NCAM1: variants seen among roughly 807,000 people sequenced by gnomAD.
The protein encoded by NCAM1 is antigen recognized by monoclonal antibody 5.1H11.
Under a neutral mutation model 109.8 loss-of-function variants are expected in NCAM1, and 14 were observed. That is an observed-to-expected ratio of 0.13 (90% CI 0.08 to 0.20). The LOEUF (loss-of-function observed/expected upper bound fraction) is 0.20. NCAM1 is among the 10% of genes least tolerant of loss of function. The pLI is 1.00. For synonymous variants in NCAM1, 418 were observed against 442.9 expected, an observed-to-expected ratio of 0.94 and a Z score of 0.70; for missense variants, 774 against 1,109.9, an observed-to-expected ratio of 0.70 and a Z score of 4.30.
intron 5 of NCAM1, 26 bp from the exon 6 acceptor site, chr11:113,207,235 C>T (rs1555112987): frequency 6.3e-7 from 1 of 1,597,354 alleles, no homozygotes; most frequent in Admixed American, 1.7e-5. Flanking sequence ...TTCACAACCA[C>T]CCCATGACAC....
chr11:113,039,269 C>T (rs1194079995), intron 1 of NCAM1, among the ~76,000 whole-genome samples: 3 of 152,170 alleles, frequency 2.0e-5, no homozygotes, highest in African/African-American at 7.2e-5. Flanking sequence ...GGTTTTTGTG[C>T]TCTTCTCTTC....
intron 1 of NCAM1, among the ~76,000 whole-genome samples, chr11:113,139,971 T>G (rs1316373301): frequency 6.6e-6 from 1 of 152,182 alleles, no homozygotes; most frequent in African/African-American, 2.4e-5. Flanking sequence ...AGTTAGAAAT[T>G]CCCTGGAGAT....
At chr11:113,019,538 C>T (rs1378136526) in intron 1 of NCAM1, among the ~76,000 whole-genome samples, 1 of 152,096 alleles carries the variant, frequency 6.6e-6, no homozygotes, top group Non-Finnish European at 1.5e-5. Flanking sequence ...GGCTCCTTTC[C>T]TCTATCCATC....
rs781932590 is a variant in NCAM1 at position 113,277,437 on chromosome 11, C to G, written c.*2050C>G. ...TGCACAGATCTCTGGTTCAAATGCA[C>G]AGGCCCTCAGAATAGAGGAACATGA... On this transcript the variant is annotated 3_prime_UTR_variant, in exon 20 of 20. Coordinates refer to ENST00000316851, the MANE Select transcript of NCAM1 (RefSeq NM_181351.5). 5.0e-6 allele frequency: 2 copies of G among 398,948 alleles called. No individual in the cohort carries two copies. Among genetic ancestry groups the G allele is most frequent in the Non-Finnish European group, 4.4e-6 (1 of 226,098 alleles). The allele number at this position is 398,948 out of a possible 1,614,324, so 24.7% of individuals were successfully genotyped here.
At chr11:113,188,815 G>A (rs548380625) in intron 1 of NCAM1, among the ~76,000 whole-genome samples, 3 of 151,360 alleles carry the variant, frequency 2.0e-5, no homozygotes, top group Admixed American at 6.6e-5. Flanking sequence ...GGAAGGTGGT[G>A]TGTGTGTGTG....
At chr11:113,109,894 C>G (rs1372256451) in intron 1 of NCAM1, among the ~76,000 whole-genome samples, 1 of 151,956 alleles carries the variant, frequency 6.6e-6, no homozygotes, top group Admixed American at 6.6e-5. Flanking sequence ...ATTCCTTGGC[C>G]CCTGAGATTT....
At position 113,207,527 on chromosome 11, in the gene NCAM1, C is replaced by T. The variant is rs1301350685; in HGVS notation, c.746+149C>T. 1.1e-5 allele frequency: 8 copies of T among 716,918 alleles called. No homozygotes were observed. The East Asian group carries it at 2.2e-4, about 19-fold the overall frequency. 44.4% of individuals were successfully genotyped at this position (716,918 alleles called of 1,614,324 possible). The stretch of plus-strand genomic sequence containing the variant: ...AGAATGGACTCTTTTCTATAAGATT[C>T]TCTTGCTTGTGCATTGATTATTCCT... On this transcript the variant is annotated intron_variant, in intron 6 of 19. Transcript: ENST00000316851.
chr11:113,259,264 G>T (rs1177860945), intron 16 of NCAM1, among the ~76,000 whole-genome samples: 6 of 151,664 alleles, frequency 4.0e-5, no homozygotes, highest in Non-Finnish European at 7.4e-5. Context: ...TTTTAGCCGG[G>T]ATGGTCTCGA....
intron 17 of NCAM1, chr11:113,263,437 A>AT (rs1946062150): frequency 1.0e-6 from 1 of 986,630 alleles, no homozygotes; most frequent in Admixed American, 6.1e-5. Context: ...AAAGAGCCAG[A>AT]CCGCACTGAT....
chr11:113,242,806 A>G, intron 14 of NCAM1: 2 of 1,613,660 alleles, frequency 1.2e-6, no homozygotes, highest in Non-Finnish European at 1.7e-6. Flanking sequence ...TTTCCATAGC[A>G]ACTTGGCCTC....
intron 1 of NCAM1, among the ~76,000 whole-genome samples, chr11:113,193,578 GGGA>G (rs1943756122): frequency 6.6e-6 from 1 of 152,106 alleles, no homozygotes; most frequent in Non-Finnish European, 1.5e-5. Flanking sequence ...GCTTGAACCT[GGGA>G]GGCAGAGGTT....
intron 8 of NCAM1, among the ~76,000 whole-genome samples, 156 bp from the exon 9 acceptor site, chr11:113,221,140 G>A (rs1475957207): frequency 6.6e-6 from 1 of 152,286 alleles, no homozygotes; most frequent in East Asian, 1.9e-4. Flanking sequence ...AAATTAAATT[G>A]TGTAATAAAC....
At chr11:113,214,624 G>C in intron 8 of NCAM1, 113 bp downstream of exon 8, 1 of 1,249,792 alleles carries the variant, frequency 8.0e-7, no homozygotes, top group Non-Finnish European at 1.1e-6. Flanking sequence ...GGTCACCAGA[G>C]GCCACAGCCA....
At chr11:113,151,075 A>G (rs1428128159) in intron 1 of NCAM1, among the ~76,000 whole-genome samples, 6 of 152,242 alleles carry the variant, frequency 3.9e-5, no homozygotes, top group Non-Finnish European at 8.8e-5. Flanking sequence ...GTGCAAAGCC[A>G]GGTAATGGTG....
intron 14 of NCAM1, among the ~76,000 whole-genome samples, chr11:113,236,924 G>A (rs989311168): frequency 6.6e-6 from 1 of 152,204 alleles, no homozygotes; most frequent in Admixed American, 6.5e-5. Flanking sequence ...CGAGCCATGG[G>A]CATGTCCCAC....
intron 4 of NCAM1, 114 bp from the exon 5 acceptor site, chr11:113,205,929 C>G: frequency 7.4e-7 from 1 of 1,350,926 alleles, no homozygotes; most frequent in Non-Finnish European, 1.0e-6. Flanking sequence ...CTTATTTGGG[C>G]TTAAAACCCC....
chr11:112,962,857 G>C lies in NCAM1; in HGVS notation c.52+1193G>C, dbSNP rs12272270. Among the ~76,000 whole-genome samples the C allele has an allele frequency of 0.087, 13,275 of 151,988 alleles. 1,191 individuals carry two copies. The highest frequency in any genetic ancestry group is 0.19 in the African/African-American group (7,685 of 41,458). On this transcript the variant is annotated intron_variant, in intron 1 of 19. Transcript: ENST00000316851. This position sits in a 1 kb window ranked among gnomAD's most constrained non-coding sequence, Gnocchi z 5.6. ...CGCAGAGAGCTGGGTGGGTTGGGCG[G>C]ACATTCTGGGCGGGGGGCGTGTGCT...
At chr11:113,134,770 G>A (rs1941538061) in intron 1 of NCAM1, among the ~76,000 whole-genome samples, 1 of 152,166 alleles carries the variant, frequency 6.6e-6, no homozygotes. Context: ...GTTGTTGCAA[G>A]TATTTTCGTA....
intron 7 of NCAM1, among the ~76,000 whole-genome samples, chr11:113,208,942 A>T (rs1462721808): frequency 1.3e-5 from 2 of 152,250 alleles, no homozygotes; most frequent in African/African-American, 4.8e-5. Flanking sequence ...AAACAGTGTC[A>T]TGGAAGAGCC....
Sources: allele counts gnomAD v4.1 joint callset (sites outside exome capture counted in the v4.1 genomes callset), GRCh38; gene constraint gnomAD v4.1.1; non-coding constraint Gnocchi (gnomAD v3.1); transcripts MANE v1.5; gene names NCBI Gene and HGNC (gene_info 2026-07-23, HGNC 2026-07-21).